Variants in UBR4 observed in about 807,000 individuals in gnomAD.
UBR4 encodes ubiquitin protein ligase E3 component n-recognin 4, also known as E3 ubiquitin-protein ligase UBR4.
Under a neutral mutation model 575.6 loss-of-function variants are expected in UBR4, and 124 were observed. The observed-to-expected ratio is 0.22, with a 90% CI of 0.19 to 0.25. The LOEUF is 0.25. Ranked by LOEUF, UBR4 falls within the 10% of genes least tolerant of loss-of-function variation. UBR4 has a pLI of 1.00. For missense variants in UBR4, 4,818 were observed against 6,478.8 expected (o/e 0.74, Z 8.80); for synonymous variants, 2,455 against 2,473.7 (o/e 0.99, Z 0.22).
intron 70 of UBR4, 85 bp from the exon 71 acceptor site, chr1:19,119,042 G>A: frequency 8.0e-7 from 1 of 1,247,540 alleles, no homozygotes; most frequent in Non-Finnish European, 1.2e-6. Context: ...CATTCTAGCT[G>A]AATACTGCCC....
rs1213114156 is a variant in UBR4, at chr1:19,139,229, G to C, written c.8594-9C>G. 6.3e-7 allele frequency: 1 copy of C among 1,597,960 alleles called. No homozygotes were observed. Among genetic ancestry groups the C allele is most frequent in the Non-Finnish European group, 8.5e-7 (1 of 1,172,026 alleles). On this transcript the variant is annotated splice_polypyrimidine_tract_variant and intron_variant, in intron 58 of 105. Coordinates refer to ENST00000375254, the MANE Select transcript of UBR4 (RefSeq NM_020765.3). The surrounding 1 kb of genome is among the most constrained non-coding windows in gnomAD (Gnocchi z 4.2). ...GTCGTCTGAGGCTGGAGCTGAGAGA[G>C]TAACGAGAGCTGTTACAGGTTAAAA... is the stretch of plus-strand genomic sequence containing the variant.
intron 8 of UBR4, among the ~76,000 whole-genome samples, chr1:19,195,200 G>A (rs1206709497): frequency 1.3e-5 from 2 of 151,332 alleles, no homozygotes; most frequent in Non-Finnish European, 2.9e-5. Flanking sequence ...AGGAGGTGGA[G>A]CTTGCAGTGA....
intron 18 of UBR4, 65 bp from the exon 19 acceptor site, chr1:19,177,808 CA>C: frequency 6.5e-7 from 1 of 1,529,816 alleles, no homozygotes. Context: ...GTTATAATGT[CA>C]AGCACTAGAA....
At position 19,148,638 on chromosome 1, in the gene UBR4, G is replaced by GA. The variant is rs746694070; in HGVS notation, c.7431-13dup. ...AACTCACAACCAGCCTGGGGAGACAGAAAACCTGGCTTGAGTACAACACCG... is the reference window on the plus strand; with the variant it reads ...AACTCACAACCAGCCTGGGGAGACAGAAAAACCTGGCTTGAGTACAACACCG... On this transcript the variant is annotated splice_polypyrimidine_tract_variant and intron_variant, in intron 49 of 105. Coordinates refer to ENST00000375254, the MANE Select transcript of UBR4 (RefSeq NM_020765.3). 2 of 1,614,168 alleles carry GA rather than the reference G, an allele frequency of 1.2e-6. No individual in the cohort carries two copies. Among genetic ancestry groups the GA allele is most frequent in the Admixed American group, 3.3e-5 (2 of 60,024 alleles).
intron 63 of UBR4, among the ~76,000 whole-genome samples, chr1:19,126,974 A>G (rs2081876569): frequency 6.6e-6 from 1 of 152,198 alleles, no homozygotes; most frequent in Non-Finnish European, 1.5e-5. Flanking sequence ...TTCCTCTTTT[A>G]TCTTGAGCAA....
Position 19,110,336 on chromosome 1 carries a change from TC to T in UBR4, c.11977+43del. The stretch of plus-strand genomic sequence containing the variant: ...CCCCTCCCAGTCCGGCCAGGACTGC[TC>T]CTTTGAGCCTCCTTTCCTTTCTCTG... On this transcript the variant is annotated intron_variant, in intron 80 of 105. Coordinates refer to ENST00000375254, the MANE Select transcript of UBR4 (RefSeq NM_020765.3). The surrounding 1 kb of genome is among the most constrained non-coding windows in gnomAD (Gnocchi z 4.5). The T allele has an allele frequency of 6.2e-7, 1 of 1,613,630 alleles. No homozygotes were observed. Among genetic ancestry groups the T allele is most frequent in the Non-Finnish European group, 8.5e-7 (1 of 1,179,654 alleles).
intron 8 of UBR4, among the ~76,000 whole-genome samples, chr1:19,195,600 G>T (rs2092403589): frequency 6.6e-6 from 1 of 152,132 alleles, no homozygotes; most frequent in South Asian, 2.1e-4. Flanking sequence ...CAACGGTAGA[G>T]CATGAGGAAG....
rs1164875109 is a variant in UBR4, at chr1:19,150,787, G to A, written c.7220C>T (p.Ala2407Val). The change falls in exon 49 of 106, where the codon GCC (alanine) becomes GTC (valine). Residue 2407 changes from alanine to valine, a missense_variant. By Grantham distance (64) the Ala-to-Val change is moderately conservative. Transcript: ENST00000375254. The part of the protein sequence containing the change: ...ADKKLNLFIG[A>V]SVDPAGVTMI... ...GGTGACACCTGCTGGATCCACCGAG[G>A]CCCCAACTGCAATAAGCAAGAGAGG... The A allele has an allele frequency of 1.2e-6, 2 of 1,613,466 alleles. No homozygotes were observed. The highest frequency in any genetic ancestry group is 2.7e-5 in the African/African-American group (2 of 74,820).
At chr1:19,131,683 G>C (rs1166438508) in intron 60 of UBR4, among the ~76,000 whole-genome samples, 1 of 152,202 alleles carries the variant, frequency 6.6e-6, no homozygotes, top group Non-Finnish European at 1.5e-5. Context: ...AGACCAGCCT[G>C]ACCAACATGG....
At chr1:19,187,987 C>A (rs1395967718) in intron 11 of UBR4, among the ~76,000 whole-genome samples, 1 of 151,388 alleles carries the variant, frequency 6.6e-6, no homozygotes, top group East Asian at 1.9e-4. Flanking sequence ...CCACTGCACT[C>A]CAGCCTGGGT....
intron 8 of UBR4, 88 bp downstream of exon 8, chr1:19,197,053 G>A: frequency 1.3e-6 from 2 of 1,490,338 alleles, no homozygotes; most frequent in South Asian, 1.3e-5. Context: ...AGGGGGATGA[G>A]TAGAGTATTC....
At chr1:19,178,992 T>A in intron 18 of UBR4, 59 bp downstream of exon 18, 1 of 1,580,300 alleles carries the variant, frequency 6.3e-7, no homozygotes, top group Admixed American at 1.9e-5. Context: ...TACAAAGAAG[T>A]CAAACAAATA....
At chr1:19,177,108 C>G (rs1446819287) in intron 19 of UBR4, among the ~76,000 whole-genome samples, 1 of 152,198 alleles carries the variant, frequency 6.6e-6, no homozygotes, top group Non-Finnish European at 1.5e-5. Flanking sequence ...ATTTACCAAT[C>G]CATAAAATTT....
chr1:19,087,202 T>C (rs2077100303), intron 99 of UBR4, among the ~76,000 whole-genome samples: 1 of 152,258 alleles, frequency 6.6e-6, no homozygotes, highest in African/African-American at 2.4e-5. Context: ...GAGCCTGCAT[T>C]ACGCAGGACT....
chr1:19,114,698 T>A, intron 75 of UBR4, 113 bp downstream of exon 75: 1 of 1,357,038 alleles, frequency 7.4e-7, no homozygotes, highest in South Asian at 1.4e-5. Flanking sequence ...CTGAAACTGG[T>A]GTTGAGTCGA....
chr1:19,186,593 G>C lies in UBR4; in HGVS notation c.1697C>G (p.Ser566Cys), dbSNP rs771770307. 13 of 1,614,128 alleles carry C rather than the reference G, an allele frequency of 8.1e-6. No individual in the cohort carries two copies. The highest frequency in any genetic ancestry group is 1.1e-5 in the Non-Finnish European group (13 of 1,180,012). ...MSSDASASTD[S>C]NTYYEDDFSS... ...GAAATCGTCCTCATAGTAAGTATTG[G>C]AGTCGGTGGAGGCGCTGGCATCGCT... The change falls in exon 14 of 106, where the codon TCC becomes TGC. Residue 566 changes from serine (S) to cysteine (C), a missense_variant. Ser to Cys is a moderately radical substitution (Grantham distance 112). Transcript: ENST00000375254.
chr1:19,135,809 T>C (rs1352684755), intron 60 of UBR4, among the ~76,000 whole-genome samples: 1 of 152,070 alleles, frequency 6.6e-6, no homozygotes, highest in Non-Finnish European at 1.5e-5. Context: ...GATTAATAGA[T>C]GAGATTTTTC....
chr1:19,124,256 CTTTG>C (rs2081491370), intron 65 of UBR4, among the ~76,000 whole-genome samples: 1 of 152,180 alleles, frequency 6.6e-6, no homozygotes, highest in Admixed American at 6.5e-5. Context: ...AACTAGTATA[CTTTG>C]TTTTTCTGAC....
At chr1:19,150,106 A>C (rs1308332382) in intron 49 of UBR4, among the ~76,000 whole-genome samples, 1 of 152,240 alleles carries the variant, frequency 6.6e-6, no homozygotes, top group East Asian at 1.9e-4. Flanking sequence ...GGGAGACTTA[A>C]GGAAACTCTA....
Sources: gnomAD v4.1 joint callset for allele counts (sites outside exome capture counted in the v4.1 genomes callset) on GRCh38, gnomAD v4.1.1 for gene constraint, Gnocchi (gnomAD v3.1) non-coding constraint, MANE v1.5 for transcripts, NCBI Gene and HGNC (gene_info 2026-07-23, HGNC 2026-07-21) for gene names.